Variants in CNOT1 observed in about 807,000 individuals in gnomAD.
CNOT1 encodes the protein CCR4-associated factor 1.
CNOT1 carries 15 observed loss-of-function variants against 273.8 expected under a neutral mutation model. That is an observed-to-expected ratio of 0.05 (90% CI 0.04 to 0.08). CNOT1 has a LOEUF of 0.08. Ranked by LOEUF, CNOT1 falls within the 10% of genes least tolerant of loss-of-function variation. The probability of loss-of-function intolerance (pLI) is 1.00; values close to 1 mark genes in which losing one functional copy is unlikely to be tolerated. For synonymous variants in CNOT1, 1,022 were observed against 1,005.5 expected, an observed-to-expected ratio of 1.02 and a Z score of -0.31; for missense variants, 1,644 against 2,912.2, an observed-to-expected ratio of 0.56 and a Z score of 10.02.
rs752190632 is a variant in CNOT1, at chr16:58,560,323, C to T, written c.2019G>A (p.Met673Ile). ...SQELSETILTMVANCSNVMNK... is the reference protein window; with the variant it reads ...SQELSETILTIVANCSNVMNK... Reference sequence around the variant, plus strand: ...TCATAACATTACTGCAATTGGCTACCATGGTGAGGATAGTTTCTGATAGCT... The same window carrying T: ...TCATAACATTACTGCAATTGGCTACTATGGTGAGGATAGTTTCTGATAGCT... Residue 673 changes from methionine to isoleucine, a missense_variant, in exon 17 of 49, where the codon ATG (methionine) becomes ATA (isoleucine). This residue lies in a region of CNOT1 where 706 missense variants were observed against 1,021.2 expected (regional missense o/e 0.69). Transcript: ENST00000317147. 4 of 1,613,978 alleles carry T rather than the reference C, an allele frequency of 2.5e-6. No homozygotes were observed. Among genetic ancestry groups the T allele is most frequent in the Non-Finnish European group, 2.5e-6 (3 of 1,180,028 alleles).
At chr16:58,606,777 C>T (rs1197777626) in intron 1 of CNOT1, among the ~76,000 whole-genome samples, 1 of 151,424 alleles carries the variant, frequency 6.6e-6, no homozygotes, top group Non-Finnish European at 1.5e-5. Context: ...GCACTCTAGC[C>T]TGGGCAGCAG....
intron 1 of CNOT1, among the ~76,000 whole-genome samples, chr16:58,614,188 C>A (rs2152038143): frequency 8.1e-6 from 1 of 123,180 alleles, no homozygotes; most frequent in East Asian, 2.0e-4. Context: ...AAAATCCCAA[C>A]CTATGGAAGC....
intron 1 of CNOT1, among the ~76,000 whole-genome samples, chr16:58,614,226 G>T (rs2043002958): frequency 8.0e-6 from 1 of 124,608 alleles, no homozygotes; most frequent in African/African-American, 2.7e-5. Flanking sequence ...GTAGAAGAGA[G>T]GTAACATAGA....
chr16:58,584,956 G>A (rs1159554597), intron 8 of CNOT1, among the ~76,000 whole-genome samples: 1 of 152,120 alleles, frequency 6.6e-6, no homozygotes, highest in Non-Finnish European at 1.5e-5. Context: ...GAAGAAGGCA[G>A]AATGAAGAAA....
chr16:58,563,756 T>C (rs1046780555), intron 16 of CNOT1, among the ~76,000 whole-genome samples: 8 of 152,178 alleles, frequency 5.3e-5, no homozygotes, highest in African/African-American at 1.2e-4. Context: ...TGTGGGGAAA[T>C]AGATGCAATA....
intron 1 of CNOT1, among the ~76,000 whole-genome samples, chr16:58,607,856 T>A (rs981370560): frequency 6.6e-6 from 1 of 152,012 alleles, no homozygotes; most frequent in Non-Finnish European, 1.5e-5. Context: ...CTGAGCCACG[T>A]AAATATATTG....
At chr16:58,604,816 C>CA (rs1282408180) in intron 1 of CNOT1, among the ~76,000 whole-genome samples, 36 of 86,728 alleles carry the variant, frequency 4.2e-4, no homozygotes, top group Middle Eastern at 7.1e-3. Flanking sequence ...AAACAAAAAA[C>CA]AAAAAAAAAA....
intron 43 of CNOT1, among the ~76,000 whole-genome samples, chr16:58,529,533 C>T (rs368690217): frequency 5.3e-5 from 8 of 152,180 alleles, no homozygotes; most frequent in African/African-American, 1.9e-4. Flanking sequence ...CACATGAAAA[C>T]CTCATTAAGA....
intron 47 of CNOT1, among the ~76,000 whole-genome samples, chr16:58,521,629 A>G (rs2039376153): frequency 6.6e-6 from 1 of 152,200 alleles, no homozygotes; most frequent in Admixed American, 6.5e-5. Context: ...CATGGCACAC[A>G]AAGTTAGTAC....
intron 11 of CNOT1, 80 bp downstream of exon 11, chr16:58,581,265 C>T (rs1051708163): frequency 1.6e-5 from 23 of 1,449,588 alleles, no homozygotes; most frequent in Non-Finnish European, 2.0e-5. Flanking sequence ...AAGAATATTT[C>T]GATCAATGGG....
chr16:58,555,617 A>C, intron 20 of CNOT1, 80 bp from the exon 21 acceptor site: 3 of 1,546,736 alleles, frequency 1.9e-6, no homozygotes, highest in Non-Finnish European at 2.6e-6. Flanking sequence ...TTAACAAAAG[A>C]CTATTAAGTA....
At position 58,555,658 on chromosome 16, in the gene CNOT1, A is replaced by G. The variant is rs972948998; in HGVS notation, c.2605-121T>C. The G allele has an allele frequency of 3.9e-6, 6 of 1,541,524 alleles. No individual in the cohort carries two copies. The South Asian group carries it at 5.2e-5, about 13-fold the overall frequency. ...TTTACCAAAAGAGCTTGAGACAAAT[A>G]TTAAGGTTTCAAAACACAAACCGCT... On this transcript the variant is annotated intron_variant, in intron 20 of 48. Transcript: ENST00000317147.
intron 24 of CNOT1, among the ~76,000 whole-genome samples, chr16:58,550,809 G>C (rs1444391909): frequency 6.6e-6 from 1 of 150,982 alleles, no homozygotes; most frequent in Non-Finnish European, 1.5e-5. Context: ...TTTTCACAAA[G>C]TTTGCCTCAG....
intron 1 of CNOT1, among the ~76,000 whole-genome samples, chr16:58,615,956 A>G (rs1454282933): frequency 8.4e-6 from 1 of 118,994 alleles, no homozygotes; most frequent in African/African-American, 2.8e-5. Context: ...GTGCAGTGGC[A>G]AATGCCTTTG....
chr16:58,544,932 A>C (rs1326249379), intron 30 of CNOT1, among the ~76,000 whole-genome samples: 1 of 152,254 alleles, frequency 6.6e-6, no homozygotes, highest in Non-Finnish European at 1.5e-5. Flanking sequence ...TCCTACTTCA[A>C]GATCTTAGCC....
At chr16:58,562,738 G>A (rs1597464555) in intron 16 of CNOT1, among the ~76,000 whole-genome samples, 3 of 152,138 alleles carry the variant, frequency 2.0e-5, no homozygotes, top group African/African-American at 2.4e-5. Context: ...CAGGAGAATC[G>A]CTTGAACCCG....
Position 58,546,467 on chromosome 16 carries a change from C to T in CNOT1, c.3860G>A (p.Cys1287Tyr), listed in dbSNP as rs908583464. Residue 1287 changes from cysteine (C) to tyrosine (Y), a missense_variant, in exon 29 of 49, where the codon TGC becomes TAC. Physicochemically the swap from Cys to Tyr is radical, Grantham distance 194. Coordinates refer to ENST00000317147, the MANE Select transcript of CNOT1 (RefSeq NM_016284.5). ...ATTGATGTCTAATGCAAGGTTCTTGCAGAGAACCTCGATTTCAAACTTCAA... is the reference window on the plus strand; with the variant it reads ...ATTGATGTCTAATGCAAGGTTCTTGTAGAGAACCTCGATTTCAAACTTCAA... ...LNLKFEIEVL[C>Y]KNLALDINEL... 2.5e-6 allele frequency: 4 copies of T among 1,613,714 alleles called. No homozygotes were observed. The highest frequency in any genetic ancestry group is 3.4e-6 in the Non-Finnish European group (4 of 1,179,884).
chr16:58,525,180 C>T lies in CNOT1; in HGVS notation c.6783G>A (p.Glu2261=). 3 of 1,613,130 alleles carry T rather than the reference C, an allele frequency of 1.9e-6. No homozygotes were observed. The highest frequency in any genetic ancestry group is 2.5e-6 in the Non-Finnish European group (3 of 1,179,986). Reference sequence around the variant, plus strand: ...TGAAAACTGGCAGGCTTCACTCACCCTCAGTGTCCAAGTCCACAGCCAAAT... The same window carrying T: ...TGAAAACTGGCAGGCTTCACTCACCTTCAGTGTCCAAGTCCACAGCCAAAT... The part of the protein sequence containing the change: ...FQNLAVDLDT[E]GRYLFLNAIA... Residue 2261 remains glutamate (E), a splice_region_variant and synonymous_variant, in exon 46 of 49, where the codon GAG becomes GAA. Coordinates refer to ENST00000317147, the MANE Select transcript of CNOT1 (RefSeq NM_016284.5).
intron 2 of CNOT1, among the ~76,000 whole-genome samples, chr16:58,595,230 A>G (rs1203857483): frequency 6.6e-6 from 1 of 152,022 alleles, no homozygotes; most frequent in East Asian, 1.9e-4. Context: ...AAGTCAGATC[A>G]CATTTTATAA....
Sources: gnomAD v4.1 joint callset for allele counts (sites outside exome capture counted in the v4.1 genomes callset) on GRCh38, gnomAD v4.1.1 for gene constraint, gnomAD v4.1.1 regional missense constraint, MANE v1.5 for transcripts, NCBI Gene and HGNC (gene_info 2026-07-23, HGNC 2026-07-21) for gene names.